HSPBAP1: variants seen among roughly 807,000 people sequenced by gnomAD.
HSPBAP1 encodes HSPB1 associated protein 1.
Under a neutral mutation model 45.2 loss-of-function variants are expected in HSPBAP1, and 27 were observed. The observed-to-expected ratio is 0.60, with a 90% confidence interval of 0.44 to 0.82. HSPBAP1 has a LOEUF of 0.82. Among genes scored for constraint, HSPBAP1 ranks in the 40% least tolerant of loss-of-function variants. HSPBAP1 has a pLI of 0.00. For missense variants in HSPBAP1, 510 were observed against 590.9 expected (o/e 0.86, Z 1.42); for synonymous variants, 204 against 202.7 (o/e 1.01, Z -0.06).
At chr3:122,776,356 C>CA (rs1935192698) in intron 2 of HSPBAP1, among the ~76,000 whole-genome samples, 2 of 151,820 alleles carry the variant, frequency 1.3e-5, no homozygotes, top group African/African-American at 2.4e-5. Flanking sequence ...AGTTATTTTC[C>CA]TTTTTTTTGT....
chr3:122,791,633 G>A (rs1313638096), intron 1 of HSPBAP1, among the ~76,000 whole-genome samples: 1 of 152,202 alleles, frequency 6.6e-6, no homozygotes, highest in Admixed American at 6.5e-5. Flanking sequence ...GGGTTGGGGG[G>A]TGCAAGAGAA....
At chr3:122,774,477 C>G (rs747696192) in intron 2 of HSPBAP1, among the ~76,000 whole-genome samples, 8 of 152,204 alleles carry the variant, frequency 5.3e-5, no homozygotes, top group Non-Finnish European at 7.3e-5. Flanking sequence ...CTTGTCTGGC[C>G]TGAGCTCAGG....
intron 4 of HSPBAP1, chr3:122,758,897 A>C (rs1934452537): frequency 7.0e-5 from 3 of 42,680 alleles, no homozygotes; most frequent in Non-Finnish European, 1.8e-4. Context: ...CTAATTTACC[A>C]AAAAAAAAAA....
chr3:122,755,347 A>C lies in HSPBAP1; in HGVS notation c.654T>G (p.Ser218Arg). Reference protein sequence around the residue: ...RIPYEESSVFSKINVVNPDLK... With the variant: ...RIPYEESSVFRKINVVNPDLK... ...AATCAGGATTGACAACATTGATTTT[A>C]CTGAACACACTAGATTCTTCATAAG... The change falls in exon 5 of 8, where the codon AGT becomes AGG. Residue 218 changes from serine to arginine, a missense_variant. Coordinates refer to ENST00000306103, the MANE Select transcript of HSPBAP1 (RefSeq NM_024610.6). 3.7e-6 allele frequency: 6 copies of C among 1,606,632 alleles called. No homozygotes were observed. Among genetic ancestry groups the C allele is most frequent in the Non-Finnish European group, 5.1e-6 (6 of 1,176,306 alleles).
At chr3:122,776,913 T>TA (rs1292241642) in intron 2 of HSPBAP1, among the ~76,000 whole-genome samples, 3 of 152,226 alleles carry the variant, frequency 2.0e-5, no homozygotes, top group African/African-American at 7.2e-5. Flanking sequence ...CCTAAGCTAT[T>TA]AATAGATATT....
chr3:122,788,928 A>C (rs1275741581), intron 1 of HSPBAP1, among the ~76,000 whole-genome samples: 2 of 152,216 alleles, frequency 1.3e-5, no homozygotes, highest in Non-Finnish European at 2.9e-5. Context: ...TAACATGGTA[A>C]ATTTTATGTT....
chr3:122,781,080 C>T (rs1383838995), intron 1 of HSPBAP1, among the ~76,000 whole-genome samples: 2 of 148,810 alleles, frequency 1.3e-5, no homozygotes, highest in African/African-American at 5.0e-5. Flanking sequence ...ACTGGGCAGC[C>T]GGGCAGAGGG....
intron 1 of HSPBAP1, among the ~76,000 whole-genome samples, chr3:122,779,609 C>G (rs940719741): frequency 2.6e-5 from 4 of 151,280 alleles, no homozygotes; most frequent in African/African-American, 9.7e-5. Context: ...AGCAGATAAA[C>G]AAGTGAACAA....
At chr3:122,753,137 T>C (rs1311422049) in intron 5 of HSPBAP1, 7 of 344,122 alleles carry the variant, frequency 2.0e-5, no homozygotes, top group Non-Finnish European at 2.9e-5. Flanking sequence ...ACAATGGTGT[T>C]TCAGAATTTC....
intron 2 of HSPBAP1, among the ~76,000 whole-genome samples, chr3:122,769,341 T>C (rs944610374): frequency 5.3e-5 from 8 of 152,166 alleles, no homozygotes; most frequent in African/African-American, 1.9e-4. Context: ...TGCAAAATTT[T>C]ATGCTGCTGA....
At position 122,777,890 on chromosome 3, in the gene HSPBAP1, AGGTTT is replaced by A. The variant is rs1342989957; in HGVS notation, c.76_80del (p.Lys26PhefsTer2). 2 of 1,612,318 alleles carry A rather than the reference AGGTTT, an allele frequency of 1.2e-6. No individual in the cohort carries two copies. The highest frequency in any genetic ancestry group is 1.7e-6 in the Non-Finnish European group (2 of 1,178,748). ...TTTCTTTTGCTTTCTCTGGCTTAAA[AGGTTT>A]GACATGTTCACCTAGAAAGAGAAAT... On this transcript the variant is annotated frameshift_variant, in exon 2 of 8. Transcript: ENST00000306103. LOFTEE classifies it high-confidence loss of function.
At position 122,777,752 on chromosome 3, in the gene HSPBAP1, T is replaced by A; in HGVS notation, c.219A>T (p.Arg73=). Residue 73 remains arginine (R), a synonymous_variant, in exon 2 of 8, where the codon CGA becomes CGT. Coordinates refer to ENST00000306103, the MANE Select transcript of HSPBAP1 (RefSeq NM_024610.6). ...TCATGCTTTTCATCCCCATTCTGAA[T>A]CGTATCTGCTTGCCATGAAGGACCT... ...LSQVLHGKQI[R]FRMGMKSMST... 6.2e-7 allele frequency: 1 copy of A among 1,614,030 alleles called. No individual in the cohort carries two copies. Among genetic ancestry groups the A allele is most frequent in the Non-Finnish European group, 8.5e-7 (1 of 1,179,930 alleles).
chr3:122,781,436 T>C (rs936273076), intron 1 of HSPBAP1, among the ~76,000 whole-genome samples: 4 of 143,008 alleles, frequency 2.8e-5, no homozygotes, highest in African/African-American at 1.0e-4. Context: ...GTGCCTGCAA[T>C]CGCAGGCACT....
chr3:122,753,764 T>C (rs1934243117), intron 5 of HSPBAP1: 1 of 985,204 alleles, frequency 1.0e-6, no homozygotes, highest in Non-Finnish European at 1.2e-6. Flanking sequence ...TAGTCATTAG[T>C]AGGTTATGCA....
chr3:122,775,561 G>C (rs1048652393), intron 2 of HSPBAP1, among the ~76,000 whole-genome samples: 5 of 151,874 alleles, frequency 3.3e-5, no homozygotes, highest in African/African-American at 1.2e-4. Flanking sequence ...TGATCCACCC[G>C]CCTTGGCCTC....
intron 2 of HSPBAP1, among the ~76,000 whole-genome samples, chr3:122,772,647 G>A (rs1935041252): frequency 6.6e-6 from 1 of 151,190 alleles, no homozygotes; most frequent in South Asian, 2.1e-4. Context: ...ATAGTTAAAT[G>A]TAAAAAAGAA....
intron 6 of HSPBAP1, among the ~76,000 whole-genome samples, chr3:122,746,705 C>T (rs961703818): frequency 3.9e-5 from 6 of 151,920 alleles, no homozygotes; most frequent in Middle Eastern, 3.4e-3. Flanking sequence ...GATGCCGAGC[C>T]GAAGCTGGAC....
chr3:122,771,665 C>T (rs541309533), intron 2 of HSPBAP1, among the ~76,000 whole-genome samples: 1 of 152,250 alleles, frequency 6.6e-6, no homozygotes, highest in Admixed American at 6.5e-5. Flanking sequence ...AACTGCTTGC[C>T]AAATTTACTG....
chr3:122,752,768 G>A, intron 5 of HSPBAP1, 94 bp from the exon 6 acceptor site: 3 of 1,393,408 alleles, frequency 2.2e-6, no homozygotes, highest in Non-Finnish European at 1.9e-6. Flanking sequence ...GGAAAAAAAG[G>A]AATACAAATG....
Sources: gnomAD v4.1 joint callset for allele counts (sites outside exome capture counted in the v4.1 genomes callset) on GRCh38, gnomAD v4.1.1 for gene constraint, MANE v1.5 for transcripts, NCBI Gene and HGNC (gene_info 2026-07-23, HGNC 2026-07-21) for gene names.